Variants in TG observed in about 807,000 individuals in gnomAD.
The protein encoded by TG is thyroglobulin, also known as thyroid hormones.
A neutral mutation model predicts 324.7 loss-of-function variants in TG; 270 were observed. The ratio of observed to expected loss-of-function variants is 0.83; its 90% CI spans 0.75 to 0.92. The LOEUF (loss-of-function observed/expected upper bound fraction) is 0.92. Ranked by LOEUF, TG falls within the 40% of genes least tolerant of loss-of-function variation. The pLI, the probability that TG is intolerant of heterozygous loss-of-function variation, is 0.00. For synonymous variants in TG, 1,401 were observed against 1,327.0 expected (o/e 1.06, Z -1.21); for missense variants, 3,591 against 3,456.4 (o/e 1.04, Z -0.98).
At position 132,900,203 on chromosome 8, in the gene TG, C is replaced by T. The variant is rs757068123; in HGVS notation, c.3331-34C>T. 6 of 1,600,182 alleles carry T rather than the reference C, an allele frequency of 3.7e-6. No individual in the cohort carries two copies. The South Asian group carries it at 5.6e-5, about 15-fold the overall frequency. ...AGGTTGGCCACTAGAGCATCTTGCCCACAGTGACTGACATGACCCCGGCTT... is the reference window on the plus strand; with the variant it reads ...AGGTTGGCCACTAGAGCATCTTGCCTACAGTGACTGACATGACCCCGGCTT... On this transcript the variant is annotated intron_variant, in intron 14 of 47. Transcript: ENST00000220616.
chr8:133,000,668 C>T (rs576937353), intron 35 of TG, among the ~76,000 whole-genome samples: 1 of 152,188 alleles, frequency 6.6e-6, no homozygotes, highest in African/African-American at 2.4e-5. Context: ...GTCTGTGCCG[C>T]TTCGTACAGG....
At chr8:132,967,644 T>C in intron 30 of TG, 150 bp from the exon 31 acceptor site, 1 of 886,308 alleles carries the variant, frequency 1.1e-6, no homozygotes. Flanking sequence ...GCATGGGCCT[T>C]CCAGACTGGA....
chr8:133,017,529 G>A (rs944753619), intron 37 of TG, among the ~76,000 whole-genome samples: 2 of 152,122 alleles, frequency 1.3e-5, no homozygotes, highest in Admixed American at 6.5e-5. Flanking sequence ...TGTATAGAAG[G>A]GATTAGCATT....
At chr8:133,115,680 G>A (rs911158737) in intron 44 of TG, among the ~76,000 whole-genome samples, 2 of 152,232 alleles carry the variant, frequency 1.3e-5, no homozygotes, top group African/African-American at 2.4e-5. Context: ...GGAGATAAAA[G>A]AACTGCTGAG....
intron 4 of TG, among the ~76,000 whole-genome samples, chr8:132,872,702 A>G (rs1273042451): frequency 6.6e-6 from 1 of 152,124 alleles, no homozygotes; most frequent in Non-Finnish European, 1.5e-5. Flanking sequence ...ATACAGGTGT[A>G]CTATTCTTTA....
intron 35 of TG, among the ~76,000 whole-genome samples, chr8:132,990,159 T>TAC (rs1491438311): frequency 8.5e-5 from 1 of 11,728 alleles, no homozygotes; most frequent in Non-Finnish European, 7.5e-4. Flanking sequence ...GCTATACAAT[T>TAC]ATATATATAT....
At chr8:132,982,718 T>C (rs1407174403) in intron 34 of TG, among the ~76,000 whole-genome samples, 1 of 152,192 alleles carries the variant, frequency 6.6e-6, no homozygotes, top group Admixed American at 6.5e-5. Flanking sequence ...CCTGTAATTT[T>C]GTCATAATTC....
chr8:132,901,345 T>C lies in TG; in HGVS notation c.3434-8T>C. The C allele has an allele frequency of 6.2e-7, 1 of 1,614,054 alleles. No homozygotes were observed. Among genetic ancestry groups the C allele is most frequent in the Non-Finnish European group, 8.5e-7 (1 of 1,180,022 alleles). On this transcript the variant is annotated splice_region_variant and splice_polypyrimidine_tract_variant and intron_variant, in intron 15 of 47. Coordinates refer to ENST00000220616, the MANE Select transcript of TG (RefSeq NM_003235.5). ...TTCCCCAGCCCATCTGGCTTGTCTCTGTGTCAGGCCCAAGCCTCTGCAATG... is the reference window on the plus strand; with the variant it reads ...TTCCCCAGCCCATCTGGCTTGTCTCCGTGTCAGGCCCAAGCCTCTGCAATG...
chr8:132,896,396 C>T (rs1817104169), intron 11 of TG, among the ~76,000 whole-genome samples: 1 of 152,200 alleles, frequency 6.6e-6, no homozygotes, highest in South Asian at 2.1e-4. Context: ...TGCAAGCTCT[C>T]TCGTCTGGAG....
At chr8:133,113,712 AG>A in intron 44 of TG, 109 bp downstream of exon 44, 1 of 1,273,470 alleles carries the variant, frequency 7.9e-7, no homozygotes, top group Admixed American at 2.0e-5. Context: ...TTTGTGCTTG[AG>A]GTTTCCTCTG....
intron 27 of TG, among the ~76,000 whole-genome samples, chr8:132,952,163 C>T (rs1426751741): frequency 1.3e-5 from 2 of 152,156 alleles, no homozygotes; most frequent in Non-Finnish European, 1.5e-5. Flanking sequence ...TTGGTATTCC[C>T]AATTACACAG....
chr8:132,964,901 A>C (rs1828320014), intron 29 of TG: 1 of 702,292 alleles, frequency 1.4e-6, no homozygotes, highest in Non-Finnish European at 2.6e-6. Flanking sequence ...GGTTTCTCGG[A>C]GGAGGCCAGA....
At chr8:133,081,042 C>G (rs1845667358) in intron 41 of TG, among the ~76,000 whole-genome samples, 1 of 152,248 alleles carries the variant, frequency 6.6e-6, no homozygotes, top group Non-Finnish European at 1.5e-5. Flanking sequence ...TTGTGGGACT[C>G]TCTGATTCTT....
chr8:133,128,336 TGC>T (rs1491346061), intron 45 of TG, among the ~76,000 whole-genome samples: 6 of 21,928 alleles, frequency 2.7e-4, no homozygotes, highest in Non-Finnish European at 3.8e-4. Context: ...ACAAAAGGCG[TGC>T]ACACACACAC....
At chr8:133,080,307 C>T (rs1188500498) in intron 41 of TG, among the ~76,000 whole-genome samples, 1 of 152,162 alleles carries the variant, frequency 6.6e-6, no homozygotes, top group Non-Finnish European at 1.5e-5. Context: ...TCTTTCCACT[C>T]ACTCTATGTA....
In TG at chr8:132,882,941, G is replaced by C. The variant is rs1393795447; in HGVS notation, c.1017G>C (p.Val339=). The change falls in exon 8 of 48, where the codon GTG becomes GTC. Residue 339 remains valine, a synonymous_variant. Coordinates refer to ENST00000220616, the MANE Select transcript of TG (RefSeq NM_003235.5). ...QCQTEGPCWC[V]DAQGKEMHGT... ...AGACGGAAGGGCCCTGCTGGTGTGTGGACGCCCAGGGGAAGGAAATGCATG... is the reference window on the plus strand; with the variant it reads ...AGACGGAAGGGCCCTGCTGGTGTGTCGACGCCCAGGGGAAGGAAATGCATG... 6 of 1,614,036 alleles carry C rather than the reference G, an allele frequency of 3.7e-6. No homozygotes were observed. The Admixed American group carries it at 1.0e-4, about 27-fold the overall frequency.
In TG at chr8:132,951,282, T is replaced by A. The variant is rs545533761; in HGVS notation, c.5401+2339T>A. On this transcript the variant is annotated intron_variant, in intron 27 of 47. Coordinates refer to ENST00000220616, the MANE Select transcript of TG (RefSeq NM_003235.5). ...AAAGATATATATATCTGTGAGTGAA[T>A]GGTCACCAAATTCTGAAAATAAAAT... 2.0e-5 allele frequency among the ~76,000 whole-genome samples: 3 copies of A among 152,334 alleles called. No homozygotes were observed. In the East Asian group the frequency reaches 5.8e-4, roughly 29 times the overall value.
chr8:133,061,550 C>T (rs1314456887), intron 41 of TG, among the ~76,000 whole-genome samples: 1 of 152,160 alleles, frequency 6.6e-6, no homozygotes, highest in East Asian at 1.9e-4. Flanking sequence ...TTAGGGAAGC[C>T]ACGTTCCCTC....
chr8:132,904,931 G>A (rs375475208), intron 16 of TG, among the ~76,000 whole-genome samples: 7 of 152,204 alleles, frequency 4.6e-5, no homozygotes, highest in African/African-American at 1.7e-4. Flanking sequence ...AAGATAATGG[G>A]GTTCAAATCC....
Sources: gnomAD v4.1 joint callset for allele counts (sites outside exome capture counted in the v4.1 genomes callset) on GRCh38, gnomAD v4.1.1 for gene constraint, MANE v1.5 for transcripts, NCBI Gene and HGNC (gene_info 2026-07-23, HGNC 2026-07-21) for gene names.